Variants in GRIK2 observed in about 807,000 individuals in gnomAD.
The protein encoded by GRIK2 is glutamate receptor ionotropic, kainate 2.
A neutral mutation model predicts 100.3 loss-of-function variants in GRIK2; 32 were observed. The ratio of observed to expected loss-of-function variants is 0.32; its 90% CI spans 0.24 to 0.43. The LOEUF (loss-of-function observed/expected upper bound fraction) is 0.43, where lower values mean the gene tolerates loss of function less well. Ranked by LOEUF, GRIK2 falls within the 20% of genes least tolerant of loss-of-function variation. GRIK2 has a pLI of 1.00. For missense variants in GRIK2, 843 were observed against 1,114.9 expected (o/e 0.76, Z 3.47); for synonymous variants, 417 against 389.4 (o/e 1.07, Z -0.83).
chr6:101,400,998 G>A (rs2852514), intron 2 of GRIK2, among the ~76,000 whole-genome samples: 21,345 of 152,214 alleles, frequency 0.14, 1,741 homozygotes, highest in Non-Finnish European at 0.18. Flanking sequence ...GCACACGCGT[G>A]TGTGTGCATG....
At chr6:101,728,394 GA>G (rs1775021847) in intron 7 of GRIK2, among the ~76,000 whole-genome samples, 1 of 152,046 alleles carries the variant, frequency 6.6e-6, no homozygotes, top group African/African-American at 2.4e-5. Context: ...ATTTCCGTTT[GA>G]TACAAGAGAA....
At chr6:101,876,092 A>G (rs1167546348) in intron 11 of GRIK2, among the ~76,000 whole-genome samples, 1 of 151,714 alleles carries the variant, frequency 6.6e-6, no homozygotes, top group African/African-American at 2.4e-5. Flanking sequence ...GTTCACATAA[A>G]ATCAGAAGCC....
At chr6:101,403,296 T>C (rs1385364825) in intron 2 of GRIK2, among the ~76,000 whole-genome samples, 3 of 152,196 alleles carry the variant, frequency 2.0e-5, no homozygotes, top group Non-Finnish European at 2.9e-5. Context: ...GCTGAGCATA[T>C]GGTAGGCCAT....
intron 2 of GRIK2, among the ~76,000 whole-genome samples, chr6:101,587,457 C>T (rs1778434826): frequency 6.6e-6 from 1 of 152,206 alleles, no homozygotes; most frequent in Non-Finnish European, 1.5e-5. Flanking sequence ...ACCTACCTAC[C>T]TACCCACCTA....
At chr6:101,873,671 A>G (rs972389269) in intron 11 of GRIK2, among the ~76,000 whole-genome samples, 1 of 152,014 alleles carries the variant, frequency 6.6e-6, no homozygotes, top group Non-Finnish European at 1.5e-5. Context: ...GAATTGCCAC[A>G]CTGTCTTCCA....
chr6:101,476,576 T>C (rs960543756), intron 2 of GRIK2, among the ~76,000 whole-genome samples: 2 of 152,172 alleles, frequency 1.3e-5, no homozygotes, highest in African/African-American at 4.8e-5. Context: ...TTATAGTACC[T>C]ACTGTATAGG....
At chr6:101,457,931 T>C (rs1332835861) in intron 2 of GRIK2, among the ~76,000 whole-genome samples, 1 of 152,112 alleles carries the variant, frequency 6.6e-6, no homozygotes, top group Non-Finnish European at 1.5e-5. Context: ...TCCATAATAA[T>C]TTTATTTAAA....
chr6:101,915,305 G>T (rs1242048090), intron 12 of GRIK2, among the ~76,000 whole-genome samples: 1 of 151,148 alleles, frequency 6.6e-6, no homozygotes, highest in African/African-American at 2.4e-5. Context: ...TTGCCATGCA[G>T]GTTACATAAA....
intron 16 of GRIK2, among the ~76,000 whole-genome samples, chr6:102,061,436 A>G (rs1562147486): frequency 6.6e-6 from 1 of 150,454 alleles, no homozygotes; most frequent in Non-Finnish European, 1.5e-5. Flanking sequence ...AACCATATCA[A>G]GCTGTACAGA....
intron 14 of GRIK2, among the ~76,000 whole-genome samples, chr6:101,940,651 T>C (rs1198476673): frequency 6.6e-6 from 1 of 152,258 alleles, no homozygotes; most frequent in East Asian, 1.9e-4. Flanking sequence ...AGAAACACTT[T>C]AGTATTTTGT....
chr6:101,795,623 A>G (rs1212133538), intron 7 of GRIK2, among the ~76,000 whole-genome samples: 2 of 152,174 alleles, frequency 1.3e-5, no homozygotes, highest in Admixed American at 6.5e-5. Flanking sequence ...TGATGGTGGG[A>G]CCACCCTTGG....
At chr6:101,744,005 T>C (rs1776215621) in intron 7 of GRIK2, among the ~76,000 whole-genome samples, 2 of 151,818 alleles carry the variant, frequency 1.3e-5, no homozygotes, top group Admixed American at 1.3e-4. Flanking sequence ...TGCAGTGGCA[T>C]GATCTCGGCT....
chr6:101,612,835 G>A (rs1779741805), intron 2 of GRIK2, among the ~76,000 whole-genome samples: 3 of 150,864 alleles, frequency 2.0e-5, no homozygotes, highest in African/African-American at 7.3e-5. Flanking sequence ...TTTGATTTTG[G>A]TTCAATCAGG....
At chr6:101,564,311 CTT>C (rs1777154075) in intron 2 of GRIK2, among the ~76,000 whole-genome samples, 1 of 152,186 alleles carries the variant, frequency 6.6e-6, no homozygotes, top group Admixed American at 6.6e-5. Context: ...GAGGCTCTCT[CTT>C]TGAACACTTC....
At chr6:101,504,933 A>G (rs1773944628) in intron 2 of GRIK2, among the ~76,000 whole-genome samples, 1 of 152,102 alleles carries the variant, frequency 6.6e-6, no homozygotes, top group South Asian at 2.1e-4. Context: ...TGTAAGTCAG[A>G]TATAAAACTT....
At position 101,523,720 on chromosome 6, in the gene GRIK2, C is replaced by CTTTTTTTTTTT. The variant is rs1163558120; in HGVS notation, c.116-98220_116-98210dup. On this transcript the variant is annotated intron_variant, in intron 2 of 16. Transcript: ENST00000369134. ...AAATAGAACATAATGACTCCTAAGT[C>CTTTTTTTTTTT]TTTTTTTTTTTTTTTTTTTGATGGA... 2.8e-3 allele frequency among the ~76,000 whole-genome samples: 339 copies of CTTTTTTTTTTT among 121,494 alleles called. 6 individuals carry two copies. Among genetic ancestry groups the CTTTTTTTTTTT allele is most frequent in the South Asian group, 7.8e-3 (27 of 3,466 alleles). The allele number at this position is 121,494 out of a possible 152,430, so 79.7% of individuals were successfully genotyped here. A position where few individuals can be genotyped will look rare whatever the true frequency, so the allele number is the denominator to read the frequency against.
chr6:101,676,473 T>C (rs1770849778), intron 4 of GRIK2, 150 bp from the exon 5 acceptor site: 1 of 470,302 alleles, frequency 2.1e-6, no homozygotes, highest in African/African-American at 2.0e-5. Context: ...AACTATCTCA[T>C]GTAGTTTATA....
rs370965906 is a variant in GRIK2 at position 101,419,481 on chromosome 6, A to C, written c.115+20089A>C. On this transcript the variant is annotated intron_variant, in intron 2 of 16. Transcript: ENST00000369134. ...CATATTTTATAGACCAAATATTAACACACAGTTCTGACATGTGAGGGTGGA... is the reference window on the plus strand; with the variant it reads ...CATATTTTATAGACCAAATATTAACCCACAGTTCTGACATGTGAGGGTGGA... Among the ~76,000 whole-genome samples the C allele has an allele frequency of 3.9e-5, 6 of 152,314 alleles. No homozygotes were observed. The South Asian group carries it at 1.2e-3, about 32-fold the overall frequency.
intron 7 of GRIK2, among the ~76,000 whole-genome samples, chr6:101,706,730 C>A (rs74874394): frequency 0.03 from 4,608 of 151,940 alleles, 130 homozygotes; most frequent in East Asian, 0.16. Context: ...ATTCCTAGAG[C>A]CACAGCTTTT....
Sources: allele counts gnomAD v4.1 joint callset (sites outside exome capture counted in the v4.1 genomes callset), GRCh38; gene constraint gnomAD v4.1.1; transcripts MANE v1.5; gene names NCBI Gene and HGNC (gene_info 2026-07-23, HGNC 2026-07-21).